Variants in PGBD2 observed in about 807,000 individuals in gnomAD.
PGBD2 encodes the protein piggyBac transposable element-derived protein 2.
PGBD2 carries 6 observed loss-of-function variants against 8.1 expected under a neutral mutation model. That is an observed-to-expected ratio of 0.74 (90% confidence interval 0.40 to 1.46). The LOEUF (loss-of-function observed/expected upper bound fraction) is 1.46, where lower values mean the gene tolerates loss of function less well. Among genes scored for constraint, PGBD2 ranks in the 40% most tolerant of loss-of-function variants. PGBD2 has a pLI of 0.02. For synonymous variants in PGBD2, 318 were observed against 272.2 expected, an observed-to-expected ratio of 1.17 and a Z score of -1.66; for missense variants, 802 against 739.0, an observed-to-expected ratio of 1.09 and a Z score of -0.99.
the PGBD2 span, among the ~76,000 whole-genome samples, chr1:248,874,979 T>A: frequency 6.6e-6 from 1 of 151,978 alleles, no homozygotes; most frequent in African/African-American, 2.4e-5. Flanking sequence ...GAGATAGGTA[T>A]ACCTTCCCTA....
At chr1:248,926,266 A>G in the PGBD2 span, among the ~76,000 whole-genome samples, 1 of 152,202 alleles carries the variant, frequency 6.6e-6, no homozygotes, top group Admixed American at 6.5e-5. Context: ...AAAGCTCTGT[A>G]CAAAAGTTGT....
Position 248,918,949 on chromosome 1 carries a change from T to C in PGBD2, c.*586T>C, listed in dbSNP as rs1189075384. On this transcript the variant is annotated 3_prime_UTR_variant, in exon 3 of 3. Transcript: ENST00000329291. ...TCATTTTTGTAAAAAAAATTATTTTTTTAATTTTGTGGGTACATAGTAGGA... is the reference window on the plus strand; with the variant it reads ...TCATTTTTGTAAAAAAAATTATTTTCTTAATTTTGTGGGTACATAGTAGGA... The C allele has an allele frequency of 2.4e-5, 4 of 167,064 alleles. No individual in the cohort carries two copies. Among genetic ancestry groups the C allele is most frequent in the African/African-American group, 4.8e-5 (2 of 41,440 alleles). 10.3% of individuals were successfully genotyped at this position (167,064 alleles called of 1,614,324 possible).
At chr1:248,905,016 G>A (rs188392428), upstream of PGBD2, among the ~76,000 whole-genome samples, 1 of 152,162 alleles carries the variant, frequency 6.6e-6, no homozygotes, top group African/African-American at 2.4e-5. Flanking sequence ...ATGAATGAAT[G>A]AGACACAGGA....
chr1:248,920,932 TA>T (rs750601808), downstream of PGBD2, among the ~76,000 whole-genome samples: 1 of 152,238 alleles, frequency 6.6e-6, no homozygotes, highest in Non-Finnish European at 1.5e-5. Context: ...ATTGGCTGCA[TA>T]AATGTCTTCT....
the PGBD2 span, among the ~76,000 whole-genome samples, chr1:248,883,373 C>T: frequency 1.5e-4 from 23 of 152,222 alleles, no homozygotes; most frequent in East Asian, 1.2e-3. Flanking sequence ...TCCGCCGCCT[C>T]GGCCTCCCAA....
At chr1:248,922,291 C>A (rs540383541), downstream of PGBD2, among the ~76,000 whole-genome samples, 104 of 152,200 alleles carry the variant, frequency 6.8e-4, no homozygotes, top group African/African-American at 2.4e-3. Context: ...GATCTCCTGA[C>A]CTCGTGATCC....
chr1:248,873,386 C>T, the PGBD2 span, among the ~76,000 whole-genome samples: 5 of 152,196 alleles, frequency 3.3e-5, no homozygotes, highest in African/African-American at 9.7e-5. Flanking sequence ...CGCGGTGGAC[C>T]TTGAGGGGAG....
chr1:248,928,996 C>T, the PGBD2 span, among the ~76,000 whole-genome samples: 5 of 152,164 alleles, frequency 3.3e-5, no homozygotes, highest in South Asian at 2.1e-4. Context: ...AAAAACCAAA[C>T]CTGTTTGTGA....
downstream of PGBD2, among the ~76,000 whole-genome samples, chr1:248,922,900 A>G (rs1445977176): frequency 6.6e-6 from 1 of 152,226 alleles, no homozygotes; most frequent in Non-Finnish European, 1.5e-5. Flanking sequence ...TTCATCAGGA[A>G]TACTGGCCTG....
chr1:248,902,059 A>AG (rs1486834045), upstream of PGBD2, among the ~76,000 whole-genome samples: 3 of 152,170 alleles, frequency 2.0e-5, no homozygotes, highest in Admixed American at 2.0e-4. Context: ...ACTTGAGACT[A>AG]GGAGTTCATG....
chr1:248,880,303 T>C, the PGBD2 span, among the ~76,000 whole-genome samples: 1 of 152,230 alleles, frequency 6.6e-6, no homozygotes, highest in Non-Finnish European at 1.5e-5. Flanking sequence ...CAGGACTCAA[T>C]TTTATCCAGT....
chr1:248,896,031 G>A, the PGBD2 span, among the ~76,000 whole-genome samples: 1 of 151,722 alleles, frequency 6.6e-6, no homozygotes, highest in East Asian at 1.9e-4. Context: ...CCCTTCCCCC[G>A]CCCCGAGTCC....
At chr1:248,929,275 C>A in the PGBD2 span, among the ~76,000 whole-genome samples, 1 of 152,050 alleles carries the variant, frequency 6.6e-6, no homozygotes, top group Non-Finnish European at 1.5e-5. Context: ...ATCGTTCTGC[C>A]ATCTCCATTC....
At chr1:248,885,027 A>G in the PGBD2 span, among the ~76,000 whole-genome samples, 1 of 152,102 alleles carries the variant, frequency 6.6e-6, no homozygotes, top group Non-Finnish European at 1.5e-5. Context: ...CCTACTTCCC[A>G]TCTCATAGTG....
chr1:248,883,391 G>A, the PGBD2 span, among the ~76,000 whole-genome samples: 1,572 of 151,882 alleles, frequency 0.01, 14 homozygotes, highest in Non-Finnish European at 0.015. Flanking sequence ...CAAAGTGCTG[G>A]GATTACAGGT....
chr1:248,918,749 T>C lies in PGBD2; in HGVS notation c.*386T>C, dbSNP rs534809540. 1 of 167,300 alleles carries C rather than the reference T, an allele frequency of 6.0e-6. No homozygotes were observed. Among genetic ancestry groups the C allele is most frequent in the African/African-American group, 2.4e-5 (1 of 41,566 alleles). 10.4% of individuals were successfully genotyped at this position (167,300 alleles called of 1,614,324 possible). ...TTATAATCTAAGATAGGCAATAGTGTATAAATATCATGTAAATGTGATGGA... is the reference window on the plus strand; with the variant it reads ...TTATAATCTAAGATAGGCAATAGTGCATAAATATCATGTAAATGTGATGGA... On this transcript the variant is annotated 3_prime_UTR_variant, in exon 3 of 3. Coordinates refer to ENST00000329291, the MANE Select transcript of PGBD2 (RefSeq NM_170725.3).
chr1:248,910,474 CAGGTGAAAGACA>C (rs1331014215), intron 1 of PGBD2, among the ~76,000 whole-genome samples: 2 of 152,180 alleles, frequency 1.3e-5, no homozygotes. Flanking sequence ...TCCCATTTTA[CAGGTGAAAGACA>C]AGGGCACCAG....
chr1:248,873,811 G>A, the PGBD2 span, among the ~76,000 whole-genome samples: 3 of 152,198 alleles, frequency 2.0e-5, no homozygotes, highest in Non-Finnish European at 4.4e-5. Flanking sequence ...TGGCACCAGC[G>A]GACACAAGTA....
upstream of PGBD2, among the ~76,000 whole-genome samples, chr1:248,902,268 CA>C (rs1331327616): frequency 0.016 from 1,569 of 100,142 alleles, 24 homozygotes; most frequent in African/African-American, 0.046. Flanking sequence ...GACTCCATCT[CA>C]AAAAAAAAAA....
Sources: allele counts gnomAD v4.1 joint callset (sites outside exome capture counted in the v4.1 genomes callset), GRCh38; gene constraint gnomAD v4.1.1; transcripts MANE v1.5; gene names NCBI Gene and HGNC (gene_info 2026-07-23, HGNC 2026-07-21).